The following ULK4 variants were observed in gnomAD, a reference collection of about 807,000 sequenced individuals.
The protein encoded by ULK4 is unc-51 like kinase 4, also known as inactive serine/threonine-protein kinase ULK4.
Under a neutral mutation model 160.6 loss-of-function variants are expected in ULK4, and 133 were observed. The ratio of observed to expected loss-of-function variants is 0.83; its 90% CI spans 0.72 to 0.96. The LOEUF (loss-of-function observed/expected upper bound fraction) is 0.96. ULK4 is among the 40% of genes least tolerant of loss of function. The pLI is 0.00. For missense variants in ULK4, 1,580 were observed against 1,499.5 expected (o/e 1.05, Z -0.89); for synonymous variants, 534 against 539.8 (o/e 0.99, Z 0.15).
At chr3:41,636,653 T>G (rs1357444630) in intron 30 of ULK4, among the ~76,000 whole-genome samples, 1 of 152,024 alleles carries the variant, frequency 6.6e-6, no homozygotes, top group African/African-American at 2.4e-5. Flanking sequence ...ATGTGCACAA[T>G]GTGCAGGTTA....
intron 32 of ULK4, among the ~76,000 whole-genome samples, chr3:41,515,212 A>C (rs1014777164): frequency 1.3e-5 from 2 of 152,048 alleles, no homozygotes; most frequent in Non-Finnish European, 2.9e-5. Context: ...AGCTGAGATC[A>C]CACCACTGCA....
chr3:41,543,950 C>G (rs779347723), intron 32 of ULK4, among the ~76,000 whole-genome samples: 45 of 152,254 alleles, frequency 3.0e-4, no homozygotes, highest in Non-Finnish European at 5.3e-4. Flanking sequence ...ATTCTTTAGA[C>G]ATGGTTTCCT....
chr3:41,954,867 T>A, intron 1 of ULK4, 60 bp from the exon 2 acceptor site: 2 of 1,106,500 alleles, frequency 1.8e-6, no homozygotes, highest in Non-Finnish European at 1.3e-6. Context: ...TTAATTAGCC[T>A]AGGATAATTA....
intron 27 of ULK4, among the ~76,000 whole-genome samples, chr3:41,683,330 T>C (rs2035983716): frequency 6.6e-6 from 1 of 152,000 alleles, no homozygotes; most frequent in Non-Finnish European, 1.5e-5. Flanking sequence ...TCATGTCCTA[T>C]TGCATTGAGA....
At chr3:41,906,262 T>C (rs1698557189) in intron 12 of ULK4, among the ~76,000 whole-genome samples, 2 of 136,786 alleles carry the variant, frequency 1.5e-5, no homozygotes, top group Non-Finnish European at 3.1e-5. Context: ...CAGTGGCTCA[T>C]ACCTACAATC....
intron 12 of ULK4, among the ~76,000 whole-genome samples, chr3:41,903,128 C>T (rs1357013): frequency 0.055 from 8,370 of 152,128 alleles, 417 homozygotes; most frequent in East Asian, 0.16. Flanking sequence ...GGCTGGATAT[C>T]CCTGCTGATT....
intron 35 of ULK4, among the ~76,000 whole-genome samples, chr3:41,377,096 A>G (rs1193207726): frequency 1.3e-5 from 2 of 152,262 alleles, no homozygotes; most frequent in East Asian, 3.9e-4. Flanking sequence ...CTGATCTTTG[A>G]CAAACCTGAC....
At chr3:41,519,267 C>T (rs1290961188) in intron 32 of ULK4, among the ~76,000 whole-genome samples, 2 of 152,198 alleles carry the variant, frequency 1.3e-5, no homozygotes, top group Non-Finnish European at 2.9e-5. Flanking sequence ...CAAGCACCTC[C>T]TCTGTGCCTC....
intron 31 of ULK4, among the ~76,000 whole-genome samples, chr3:41,597,703 C>T (rs1171574074): frequency 6.6e-6 from 1 of 152,124 alleles, no homozygotes; most frequent in Non-Finnish European, 1.5e-5. Context: ...CACAGGTAAT[C>T]GCTTCTCTTT....
intron 21 of ULK4, among the ~76,000 whole-genome samples, chr3:41,780,175 T>C (rs1294601455): frequency 6.7e-6 from 1 of 150,234 alleles, no homozygotes; most frequent in East Asian, 2.0e-4. Context: ...AAGCCGAGTG[T>C]GGTGGCACAC....
chr3:41,597,147 G>A (rs1266303338), intron 31 of ULK4, among the ~76,000 whole-genome samples: 2 of 152,090 alleles, frequency 1.3e-5, no homozygotes, highest in Non-Finnish European at 2.9e-5. Context: ...GAGGTGACTG[G>A]GAGGGGTAGT....
intron 25 of ULK4, among the ~76,000 whole-genome samples, chr3:41,706,915 A>AGC (rs59052465): frequency 6.8e-6 from 1 of 147,268 alleles, no homozygotes; most frequent in Non-Finnish European, 1.5e-5. Flanking sequence ...AGAGAGAGAG[A>AGC]ATAGAATCTA....
intron 17 of ULK4, among the ~76,000 whole-genome samples, chr3:41,848,027 C>T (rs2042114452): frequency 6.6e-6 from 1 of 152,178 alleles, no homozygotes; most frequent in Admixed American, 6.5e-5. Context: ...GACATCTGCA[C>T]CAAAATCAAA....
chr3:41,540,245 G>C (rs115309600), intron 32 of ULK4, among the ~76,000 whole-genome samples: 75 of 151,212 alleles, frequency 5.0e-4, no homozygotes, highest in Middle Eastern at 3.4e-3. Flanking sequence ...TGTGTGATGC[G>C]TTCGCATTGT....
intron 32 of ULK4, among the ~76,000 whole-genome samples, chr3:41,507,627 A>G (rs1039753763): frequency 7.3e-5 from 11 of 151,424 alleles, no homozygotes; most frequent in Admixed American, 2.0e-4. Flanking sequence ...AAAAAAAAAA[A>G]AAAAAAAAAA....
At chr3:41,864,692 T>C (rs1613761) in intron 17 of ULK4, among the ~76,000 whole-genome samples, 20,015 of 152,034 alleles carry the variant, frequency 0.13, 4,285 homozygotes, top group African/African-American at 0.45. Flanking sequence ...AGCAAGCAGG[T>C]TGCTTGAGTC....
intron 31 of ULK4, among the ~76,000 whole-genome samples, chr3:41,615,275 G>A (rs546347185): frequency 6.6e-6 from 1 of 152,252 alleles, no homozygotes; most frequent in South Asian, 2.1e-4. Context: ...TGCTGATCTG[G>A]TACCCAGTAA....
intron 5 of ULK4, among the ~76,000 whole-genome samples, chr3:41,925,204 G>T (rs2148817144): frequency 6.6e-6 from 1 of 152,298 alleles, no homozygotes; most frequent in Non-Finnish European, 1.5e-5. Flanking sequence ...TGAGGTACCA[G>T]GTTCATCTCA....
rs1050650443 is a variant in ULK4, at chr3:41,455,053, T to A, written c.3492+444A>T. 9.8e-5 allele frequency among the ~76,000 whole-genome samples: 15 copies of A among 152,304 alleles called. No homozygotes were observed. The East Asian group carries it at 1.2e-3, about 12-fold the overall frequency. ...TGGTCGTGTATAGTCTTACCTGTTTTTATTTAATTTTGCTTATTTCATTCC... is the reference window on the plus strand; with the variant it reads ...TGGTCGTGTATAGTCTTACCTGTTTATATTTAATTTTGCTTATTTCATTCC... On this transcript the variant is annotated intron_variant, in intron 34 of 36. Coordinates refer to ENST00000301831, the MANE Select transcript of ULK4 (RefSeq NM_017886.4).
Sources: allele counts gnomAD v4.1 joint callset (sites outside exome capture counted in the v4.1 genomes callset), GRCh38; gene constraint gnomAD v4.1.1; transcripts MANE v1.5; gene names NCBI Gene and HGNC (gene_info 2026-07-23, HGNC 2026-07-21).